Variants in TTLL5 observed in about 807,000 individuals in gnomAD.
The protein encoded by TTLL5 is tubulin tyrosine ligase like 5, also known as tubulin polyglutamylase TTLL5.
Under a neutral mutation model 168.4 loss-of-function variants are expected in TTLL5, and 132 were observed. The ratio of observed to expected loss-of-function variants is 0.78; its 90% CI spans 0.68 to 0.91. The LOEUF (loss-of-function observed/expected upper bound fraction) is 0.91. TTLL5 is among the 40% of genes least tolerant of loss of function. The pLI is 0.00. For missense variants in TTLL5, 1,545 were observed against 1,581.5 expected, an observed-to-expected ratio of 0.98 and a Z score of 0.39; for synonymous variants, 546 against 558.6, an observed-to-expected ratio of 0.98 and a Z score of 0.32.
At chr14:75,869,879 G>A (rs1214379818) in intron 29 of TTLL5, among the ~76,000 whole-genome samples, 3 of 121,000 alleles carry the variant, frequency 2.5e-5, no homozygotes, top group Non-Finnish European at 4.7e-5. Flanking sequence ...GAGTACAGTG[G>A]CGCAATCTCA....
chr14:75,770,767 G>A (rs777435439), intron 20 of TTLL5, among the ~76,000 whole-genome samples: 1 of 152,296 alleles, frequency 6.6e-6, no homozygotes, highest in Middle Eastern at 3.4e-3. Context: ...AAGACTTGAG[G>A]ATTTCTTTCG....
chr14:75,954,200 C>T lies in TTLL5; in HGVS notation c.3824-224C>T, dbSNP rs565948675. On this transcript the variant is annotated intron_variant, in intron 31 of 31. Coordinates refer to ENST00000298832, the MANE Select transcript of TTLL5 (RefSeq NM_015072.5). ...CCCGGGAGGCGGAGCTTGCAGTGAG[C>T]CGAGATCGCGCCACTGCACTCCAGC... Among the ~76,000 whole-genome samples, 117 of 142,808 alleles carry T rather than the reference C, an allele frequency of 8.2e-4. 3 individuals carry two copies. The highest frequency in any genetic ancestry group is 1.2e-4 in the Non-Finnish European group (8 of 66,968). 93.7% of individuals were successfully genotyped at this position (142,808 alleles called of 152,430 possible).
rs755903082 is a variant in TTLL5, at chr14:75,882,693, T to C, written c.3531T>C (p.Phe1177=). The C allele has an allele frequency of 2.5e-6, 4 of 1,607,110 alleles. No homozygotes were observed. The highest frequency in any genetic ancestry group is 1.7e-5 in the Admixed American group (1 of 58,888). ...TCCTTTTTTTTTTGTAGGCAATCTT[T>C]GGCAGCCAGACACTACCTAACTCCA... ...DQSRARHQAI[F]GSQTLPNSNL... Residue 1177 remains phenylalanine (F), a synonymous_variant, in exon 30 of 32, where the codon TTT becomes TTC. Coordinates refer to ENST00000298832, the MANE Select transcript of TTLL5 (RefSeq NM_015072.5).
chr14:75,875,379 T>TAA (rs528772291), intron 29 of TTLL5, among the ~76,000 whole-genome samples: 157 of 140,712 alleles, frequency 1.1e-3, no homozygotes, highest in Admixed American at 2.2e-3. Context: ...CCATCTCTAC[T>TAA]AAAAAAAAAA....
chr14:75,881,365 C>G (rs1314323969), intron 29 of TTLL5, among the ~76,000 whole-genome samples: 1 of 152,166 alleles, frequency 6.6e-6, no homozygotes, highest in African/African-American at 2.4e-5. Flanking sequence ...TCTCTTTGTT[C>G]TTTGTCAAGC....
At chr14:75,944,570 AT>A (rs1201332451) in intron 31 of TTLL5, among the ~76,000 whole-genome samples, 4 of 152,274 alleles carry the variant, frequency 2.6e-5, no homozygotes, top group Admixed American at 6.5e-5. Flanking sequence ...TCCCCAAAGA[AT>A]TGGGATCTTG....
chr14:75,714,567 A>C (rs1887305978), intron 9 of TTLL5, among the ~76,000 whole-genome samples: 1 of 152,222 alleles, frequency 6.6e-6, no homozygotes, highest in East Asian at 1.9e-4. Flanking sequence ...ATGCAGACTC[A>C]AGCGTTCCTG....
intron 23 of TTLL5, 82 bp from the exon 24 acceptor site, chr14:75,779,493 G>T: frequency 6.4e-7 from 1 of 1,567,424 alleles, no homozygotes; most frequent in Non-Finnish European, 8.6e-7. Flanking sequence ...TTTCCAGCTT[G>T]CTCTGTTTTC....
chr14:75,765,157 G>A (rs1379369540), intron 19 of TTLL5, among the ~76,000 whole-genome samples: 1 of 152,154 alleles, frequency 6.6e-6, no homozygotes, highest in African/African-American at 2.4e-5. Flanking sequence ...TTTAGATAAA[G>A]TGGAATTTCT....
rs770869628 is a variant in TTLL5, at chr14:75,717,931, A to G, written c.811A>G (p.Ser271Gly). The change falls in exon 10 of 32, where the codon AGT becomes GGT. Residue 271 changes from serine to glycine, a missense_variant. By Grantham distance (56) the Ser-to-Gly change is moderately conservative (BLOSUM62 0). Transcript: ENST00000298832. Reference sequence around the variant, plus strand: ...CCAGTTCATGCATCTGACAAACTACAGTGTCAACAAGAAAAGTGGAGATTA... The same window carrying G: ...CCAGTTCATGCATCTGACAAACTACGGTGTCAACAAGAAAAGTGGAGATTA... ...RNQFMHLTNY[S>G]VNKKSGDYVS... 1 of 1,613,666 alleles carries G rather than the reference A, an allele frequency of 6.2e-7. No homozygotes were observed. Among genetic ancestry groups the G allele is most frequent in the East Asian group, 2.2e-5 (1 of 44,844 alleles).
intron 30 of TTLL5, among the ~76,000 whole-genome samples, chr14:75,896,965 G>T (rs1164642275): frequency 6.6e-6 from 1 of 152,002 alleles, no homozygotes; most frequent in Non-Finnish European, 1.5e-5. Flanking sequence ...CAGTTGATTG[G>T]CTTATATTCC....
At chr14:75,782,616 A>G (rs1892124592) in intron 25 of TTLL5, 43 bp downstream of exon 25, 1 of 1,516,378 alleles carries the variant, frequency 6.6e-7, no homozygotes, top group Non-Finnish European at 9.1e-7. Context: ...CTCTCTGATA[A>G]TTTCCTAAAA....
At chr14:75,840,274 A>C (rs1455757102) in intron 28 of TTLL5, among the ~76,000 whole-genome samples, 2 of 152,258 alleles carry the variant, frequency 1.3e-5, no homozygotes, top group African/African-American at 4.8e-5. Flanking sequence ...CATATGCAGA[A>C]CGTGCAGGTT....
In TTLL5 at chr14:75,717,959, T is replaced by C. The variant is rs751631931; in HGVS notation, c.839T>C (p.Val280Ala). 5 of 1,613,180 alleles carry C rather than the reference T, an allele frequency of 3.1e-6. No individual in the cohort carries two copies. The highest frequency in any genetic ancestry group is 3.3e-4 in the Middle Eastern group (2 of 6,056). Residue 280 changes from valine to alanine, a missense_variant, in exon 10 of 32, where the codon GTC becomes GCC. Transcript: ENST00000298832. ...GTCAACAAGAAAAGTGGAGATTACG[T>C]CAGGTACTGGCTGTGTCTGAGCCAG... is the stretch of plus-strand genomic sequence containing the variant. The part of the protein sequence containing the change: ...YSVNKKSGDY[V>A]SCDDPEVEDY...
At chr14:75,900,497 G>A (rs1339249505) in intron 30 of TTLL5, among the ~76,000 whole-genome samples, 1 of 152,124 alleles carries the variant, frequency 6.6e-6, no homozygotes, top group Non-Finnish European at 1.5e-5. Context: ...ATGATGATAT[G>A]AATCACCTGG....
intron 18 of TTLL5, among the ~76,000 whole-genome samples, chr14:75,758,661 A>G (rs905128363): frequency 3.3e-5 from 5 of 152,170 alleles, no homozygotes; most frequent in Admixed American, 3.3e-4. Flanking sequence ...TGGAGCATGA[A>G]ACAAGTCCTA....
At chr14:75,899,047 A>G (rs942377429) in intron 30 of TTLL5, among the ~76,000 whole-genome samples, 1 of 152,192 alleles carries the variant, frequency 6.6e-6, no homozygotes, top group African/African-American at 2.4e-5. Context: ...GAATGCAGAG[A>G]GTGTTAAGCA....
intron 28 of TTLL5, among the ~76,000 whole-genome samples, chr14:75,827,267 G>T (rs545274554): frequency 6.6e-6 from 1 of 152,150 alleles, no homozygotes; most frequent in East Asian, 1.9e-4. Flanking sequence ...CGTAACTCAC[G>T]TACAATAAAA....
At chr14:75,731,374 TAC>T (rs3031047) in intron 12 of TTLL5, among the ~76,000 whole-genome samples, 5,632 of 139,164 alleles carry the variant, frequency 0.04, 173 homozygotes, top group South Asian at 0.11. Context: ...TACACATACA[TAC>T]ACACACACAC....
Sources: gnomAD v4.1 joint callset for allele counts (sites outside exome capture counted in the v4.1 genomes callset) on GRCh38, gnomAD v4.1.1 for gene constraint, MANE v1.5 for transcripts, NCBI Gene and HGNC (gene_info 2026-07-23, HGNC 2026-07-21) for gene names.